ZRANB3: variants seen among roughly 807,000 people sequenced by gnomAD.
ZRANB3 encodes the protein DNA annealing helicase and endonuclease ZRANB3.
In ZRANB3, 125 loss-of-function variants were observed where a neutral mutation model predicts 133.8. The observed-to-expected ratio is 0.93, with a 90% CI of 0.81 to 1.08. The LOEUF (loss-of-function observed/expected upper bound fraction) is 1.08, where lower values mean the gene tolerates loss of function less well. Ranked by LOEUF, ZRANB3 falls within the 50% of genes least tolerant of loss-of-function variation. The probability of loss-of-function intolerance (pLI) is 0.00; values close to 1 mark genes in which losing one functional copy is unlikely to be tolerated. For missense variants in ZRANB3, 1,229 were observed against 1,275.5 expected, an observed-to-expected ratio of 0.96 and a Z score of 0.56; for synonymous variants, 387 against 432.7, an observed-to-expected ratio of 0.89 and a Z score of 1.31.
intron 6 of ZRANB3, among the ~76,000 whole-genome samples, chr2:135,332,557 T>G (rs1684197757): frequency 6.6e-6 from 1 of 152,178 alleles, no homozygotes; most frequent in Non-Finnish European, 1.5e-5. Context: ...ATGTTTTCAT[T>G]TGTTAAAATG....
chr2:135,327,819 C>A (rs935990637), intron 6 of ZRANB3, among the ~76,000 whole-genome samples: 2 of 151,934 alleles, frequency 1.3e-5, no homozygotes, highest in Admixed American at 6.6e-5. Context: ...GGCATAGTAT[C>A]ATATATAAAA....
At chr2:135,348,416 G>C (rs1685045800) in intron 5 of ZRANB3, among the ~76,000 whole-genome samples, 1 of 151,986 alleles carries the variant, frequency 6.6e-6, no homozygotes, top group African/African-American at 2.4e-5. Context: ...CACAAAATTG[G>C]TATTTACCCT....
intron 6 of ZRANB3, among the ~76,000 whole-genome samples, chr2:135,330,451 T>C (rs1437373955): frequency 6.6e-6 from 1 of 152,204 alleles, no homozygotes; most frequent in Non-Finnish European, 1.5e-5. Flanking sequence ...GCTGGATTGT[T>C]TGCCAGTATT....
intron 6 of ZRANB3, among the ~76,000 whole-genome samples, chr2:135,340,295 G>A (rs1429748072): frequency 1.3e-5 from 2 of 151,308 alleles, no homozygotes; most frequent in Non-Finnish European, 3.0e-5. Flanking sequence ...TATTAGAGAT[G>A]GGGTTTCACC....
chr2:135,405,181 T>C (rs1360587150), intron 2 of ZRANB3, among the ~76,000 whole-genome samples: 2 of 152,110 alleles, frequency 1.3e-5, no homozygotes, highest in East Asian at 3.9e-4. Flanking sequence ...TAGTCTCTGA[T>C]AAAGCAGACT....
chr2:135,245,946 A>AAAAAAAAAAAAAAAAAAAAT, intron 12 of ZRANB3, among the ~76,000 whole-genome samples: 1 of 146,446 alleles, frequency 6.8e-6, no homozygotes, highest in East Asian at 2.1e-4. Flanking sequence ...AAAAAAAAAA[A>AAAAAAAAAAAAAAAAAAAAT]AAGAGACAGG....
chr2:135,452,267 T>TC (rs1690308576), intron 2 of ZRANB3, among the ~76,000 whole-genome samples: 1 of 151,902 alleles, frequency 6.6e-6, no homozygotes, highest in African/African-American at 2.4e-5. Flanking sequence ...TTCAATTACC[T>TC]CCCCCTGGGT....
At chr2:135,242,493 T>G in intron 12 of ZRANB3, among the ~76,000 whole-genome samples, 1 of 151,798 alleles carries the variant, frequency 6.6e-6, no homozygotes, top group African/African-American at 2.4e-5. Flanking sequence ...GTCTCAGTGT[T>G]ACCCAGGGGG....
chr2:135,405,097 T>A (rs540622413), intron 2 of ZRANB3, among the ~76,000 whole-genome samples: 1 of 152,052 alleles, frequency 6.6e-6, no homozygotes, highest in South Asian at 2.1e-4. Context: ...GAGACACACA[T>A]AGGCTCAAAA....
At chr2:135,346,141 G>A (rs1322929914) in intron 5 of ZRANB3, among the ~76,000 whole-genome samples, 1 of 152,222 alleles carries the variant, frequency 6.6e-6, no homozygotes, top group Admixed American at 6.5e-5. Context: ...CTGTCGCCCA[G>A]GCTGGAGTGC....
At chr2:135,236,867 G>T (rs1336129698) in intron 12 of ZRANB3, among the ~76,000 whole-genome samples, 2 of 152,110 alleles carry the variant, frequency 1.3e-5, no homozygotes, top group African/African-American at 4.8e-5. Flanking sequence ...TACCATTCAG[G>T]ACACAGGCAT....
At chr2:135,303,602 G>C (rs1310104099) in intron 8 of ZRANB3, among the ~76,000 whole-genome samples, 1 of 151,978 alleles carries the variant, frequency 6.6e-6, no homozygotes, top group Non-Finnish European at 1.5e-5. Context: ...ATATAATGTA[G>C]TGTGACTCGT....
intron 2 of ZRANB3, among the ~76,000 whole-genome samples, chr2:135,486,315 C>G (rs550155562): frequency 1.3e-3 from 201 of 152,282 alleles, no homozygotes; most frequent in African/African-American, 4.7e-3. Context: ...TTTGTTGTCA[C>G]TTCAACATTG....
chr2:135,217,579 C>T lies in ZRANB3; in HGVS notation c.2381G>A (p.Ser794Asn). ...LILRFVREWSSLTAMKQRIIR... is the reference protein window; with the variant it reads ...LILRFVREWSNLTAMKQRIIR... The stretch of plus-strand genomic sequence containing the variant: ...TATCCTTTGCTTCATGGCAGTTAGA[C>T]TACTCCATTCTCGAACAAATCTCAA... The change falls in exon 17 of 21, where the codon AGT becomes AAT. Residue 794 changes from serine (S) to asparagine (N), a missense_variant. Coordinates refer to ENST00000264159, the MANE Select transcript of ZRANB3 (RefSeq NM_032143.4). The T allele has an allele frequency of 6.2e-7, 1 of 1,612,882 alleles. No individual in the cohort carries two copies. The highest frequency in any genetic ancestry group is 8.5e-7 in the Non-Finnish European group (1 of 1,179,646).
chr2:135,237,951 A>G (rs1695374608), intron 12 of ZRANB3, among the ~76,000 whole-genome samples: 1 of 152,204 alleles, frequency 6.6e-6, no homozygotes, highest in Admixed American at 6.6e-5. Flanking sequence ...ACAAAAAACA[A>G]AAAACAAAAA....
chr2:135,429,860 T>C (rs1351137185), intron 2 of ZRANB3, among the ~76,000 whole-genome samples: 1 of 152,176 alleles, frequency 6.6e-6, no homozygotes, highest in Non-Finnish European at 1.5e-5. Flanking sequence ...GTAAAGTTGA[T>C]AATGAAATGA....
intron 2 of ZRANB3, among the ~76,000 whole-genome samples, chr2:135,410,819 TCTCAAAAGAC>T (rs1558980585): frequency 1.3e-5 from 2 of 152,068 alleles, no homozygotes; most frequent in Non-Finnish European, 2.9e-5. Context: ...AACAGACACT[TCTCAAAAGAC>T]ATACAAGTTG....
chr2:135,326,898 C>CAAA (rs56683794), intron 6 of ZRANB3, among the ~76,000 whole-genome samples: 32 of 61,422 alleles, frequency 5.2e-4, no homozygotes, highest in East Asian at 1.4e-3. Flanking sequence ...GACTCCATCT[C>CAAA]AAAAAAAAAA....
At chr2:135,433,126 T>C (rs989218976) in intron 2 of ZRANB3, among the ~76,000 whole-genome samples, 2 of 152,142 alleles carry the variant, frequency 1.3e-5, no homozygotes, top group Non-Finnish European at 2.9e-5. Context: ...GTATTATATG[T>C]GGATAAGGAA....
Sources: gnomAD v4.1 joint callset for allele counts (sites outside exome capture counted in the v4.1 genomes callset) on GRCh38, gnomAD v4.1.1 for gene constraint, MANE v1.5 for transcripts, NCBI Gene and HGNC (gene_info 2026-07-23, HGNC 2026-07-21) for gene names.